The following ERC2 variants were observed in gnomAD, a reference collection of about 807,000 sequenced individuals.
ERC2 encodes ERC protein 2.
A neutral mutation model predicts 114.8 loss-of-function variants in ERC2; 42 were observed. That is an observed-to-expected ratio of 0.37 (90% confidence interval 0.29 to 0.47). ERC2 has a LOEUF of 0.47. ERC2 is among the 20% of genes least tolerant of loss of function. The pLI is 0.99. For missense variants in ERC2, 939 were observed against 1,150.7 expected (o/e 0.82, Z 2.66); for synonymous variants, 454 against 425.5 (o/e 1.07, Z -0.82).
At chr3:55,897,108 A>G (rs948080828) in intron 13 of ERC2, among the ~76,000 whole-genome samples, 29 of 152,220 alleles carry the variant, frequency 1.9e-4, no homozygotes, top group African/African-American at 6.8e-4. Context: ...AAAATAAAAA[A>G]CCCGTTTAAG....
chr3:55,932,026 A>C (rs1037268284), intron 13 of ERC2, among the ~76,000 whole-genome samples: 9 of 152,220 alleles, frequency 5.9e-5, no homozygotes, highest in African/African-American at 2.2e-4. Flanking sequence ...TGTTCTGTAA[A>C]TAGAGAACCT....
chr3:55,764,534 T>A (rs1030932281), intron 14 of ERC2, among the ~76,000 whole-genome samples: 3 of 152,216 alleles, frequency 2.0e-5, no homozygotes, highest in Non-Finnish European at 2.9e-5. Context: ...ATGAAGGAGA[T>A]ACTTATGGCT....
chr3:56,079,220 A>G (rs2077114828), intron 7 of ERC2, among the ~76,000 whole-genome samples: 3 of 152,196 alleles, frequency 2.0e-5, no homozygotes, highest in Non-Finnish European at 4.4e-5. Flanking sequence ...TCATTTCACC[A>G]TATAATCAAA....
intron 17 of ERC2, among the ~76,000 whole-genome samples, chr3:55,597,043 G>A (rs1376105513): frequency 2.6e-5 from 4 of 152,136 alleles, no homozygotes; most frequent in African/African-American, 9.7e-5. Context: ...TAAAAAAATT[G>A]AACATGTGCT....
intron 3 of ERC2, among the ~76,000 whole-genome samples, chr3:56,276,592 G>A (rs1375131277): frequency 6.6e-6 from 1 of 152,034 alleles, no homozygotes; most frequent in Admixed American, 6.6e-5. Flanking sequence ...ATCTTTAAAT[G>A]CCATATTGTT....
chr3:56,156,647 T>C (rs533519136), intron 4 of ERC2, among the ~76,000 whole-genome samples: 1 of 152,270 alleles, frequency 6.6e-6, no homozygotes, highest in African/African-American at 2.4e-5. Flanking sequence ...CTCATCTGAG[T>C]ATTGGCCCTG....
chr3:56,361,160 T>C (rs1318965431), intron 2 of ERC2, among the ~76,000 whole-genome samples: 36 of 151,852 alleles, frequency 2.4e-4, no homozygotes, highest in Non-Finnish European at 1.0e-4. Flanking sequence ...GAAGCTTCTG[T>C]AGACAAATTT....
intron 17 of ERC2, among the ~76,000 whole-genome samples, chr3:55,593,961 C>T (rs1238390131): frequency 6.6e-6 from 1 of 152,126 alleles, no homozygotes; most frequent in East Asian, 2.0e-4. Flanking sequence ...CCAGCATTGA[C>T]CCTTCAGTGC....
chr3:55,747,035 A>G (rs149073643), intron 14 of ERC2, among the ~76,000 whole-genome samples: 1 of 152,088 alleles, frequency 6.6e-6, no homozygotes, highest in Non-Finnish European at 1.5e-5. Context: ...GCCCTTTTCA[A>G]TTTTTTTCTG....
At chr3:55,730,149 G>A (rs563366929) in intron 15 of ERC2, among the ~76,000 whole-genome samples, 4 of 152,252 alleles carry the variant, frequency 2.6e-5, no homozygotes, top group African/African-American at 7.2e-5. Flanking sequence ...GGGAGTCAGT[G>A]TTCAGCCTAG....
chr3:55,714,679 A>ATG (rs1559539045), intron 15 of ERC2, among the ~76,000 whole-genome samples: 45 of 7,230 alleles, frequency 6.2e-3, no homozygotes, highest in Admixed American at 0.013. Flanking sequence ...ATATATATAT[A>ATG]TATATATATA....
rs2077891781 is a variant in ERC2, at chr3:56,093,301, G to A, written c.1474-12317C>T. 2.0e-5 allele frequency among the ~76,000 whole-genome samples: 3 copies of A among 152,076 alleles called. No individual in the cohort carries two copies. The South Asian group carries it at 6.2e-4, about 31-fold the overall frequency. On this transcript the variant is annotated intron_variant, in intron 6 of 17. Coordinates refer to ENST00000288221, the MANE Select transcript of ERC2 (RefSeq NM_015576.3). ...AATAACTCTTATAAATCTGGATCAGGTAAATCTCTCCTTGCTAATAGATTT... is the reference window on the plus strand; with the variant it reads ...AATAACTCTTATAAATCTGGATCAGATAAATCTCTCCTTGCTAATAGATTT...
At chr3:56,013,638 T>A (rs2073111012) in intron 8 of ERC2, among the ~76,000 whole-genome samples, 2 of 152,198 alleles carry the variant, frequency 1.3e-5, no homozygotes, top group South Asian at 4.1e-4. Context: ...AAATGGGGGA[T>A]GATGCTGTAC....
intron 12 of ERC2, among the ~76,000 whole-genome samples, chr3:55,966,220 C>A (rs529193077): frequency 6.6e-6 from 1 of 152,268 alleles, no homozygotes; most frequent in South Asian, 2.1e-4. Flanking sequence ...CTCTTCTTGA[C>A]CAAGCCTATT....
chr3:56,401,607 C>T (rs1211271907), intron 2 of ERC2, among the ~76,000 whole-genome samples: 1 of 152,144 alleles, frequency 6.6e-6, no homozygotes, highest in Non-Finnish European at 1.5e-5. Context: ...TATATATCTA[C>T]ATGAATCTGT....
chr3:55,948,464 C>T (rs762643653), intron 13 of ERC2, among the ~76,000 whole-genome samples: 1 of 152,220 alleles, frequency 6.6e-6, no homozygotes, highest in Admixed American at 6.5e-5. Context: ...GCAGTAATTA[C>T]TACATCTGAG....
chr3:55,752,967 C>T (rs1429385476), intron 14 of ERC2, among the ~76,000 whole-genome samples: 3 of 152,140 alleles, frequency 2.0e-5, no homozygotes, highest in Admixed American at 6.5e-5. Flanking sequence ...AACTGGTGCT[C>T]GGATGTTTAT....
Position 56,294,907 on chromosome 3 carries a change from T to C in ERC2, c.1074+1112A>G, listed in dbSNP as rs545511982. On this transcript the variant is annotated intron_variant, in intron 3 of 17. Coordinates refer to ENST00000288221, the MANE Select transcript of ERC2 (RefSeq NM_015576.3). ...TCCCAAGCATGTTGGTAAAGTATCA[T>C]TAAAACGAAACAAGGAAGAATAGGA... 1.6e-4 allele frequency among the ~76,000 whole-genome samples: 24 copies of C among 152,312 alleles called. 1 individual carries two copies. The highest frequency in any genetic ancestry group is 6.2e-4 in the South Asian group (3 of 4,822).
At chr3:55,882,458 T>G (rs2063157824) in intron 14 of ERC2, among the ~76,000 whole-genome samples, 1 of 152,210 alleles carries the variant, frequency 6.6e-6, no homozygotes, top group Non-Finnish European at 1.5e-5. Context: ...ATCATACACA[T>G]GTATACAATT....
Sources: gnomAD v4.1 joint callset for allele counts (sites outside exome capture counted in the v4.1 genomes callset) on GRCh38, gnomAD v4.1.1 for gene constraint, MANE v1.5 for transcripts, NCBI Gene and HGNC (gene_info 2026-07-23, HGNC 2026-07-21) for gene names.